The following ZMAT4 variants were observed in gnomAD, a reference collection of about 807,000 sequenced individuals.
The protein encoded by ZMAT4 is zinc finger matrin-type 4, also known as zinc finger matrin-type protein 4.
In ZMAT4, 17 loss-of-function variants were observed where a neutral mutation model predicts 28.7. That is an observed-to-expected ratio of 0.59 (90% CI 0.41 to 0.89). The LOEUF (loss-of-function observed/expected upper bound fraction) is 0.89, where lower values mean the gene tolerates loss of function less well. Among genes scored for constraint, ZMAT4 ranks in the 40% least tolerant of loss-of-function variants. The probability of loss-of-function intolerance (pLI) is 0.00; values close to 1 mark genes in which losing one functional copy is unlikely to be tolerated. For synonymous variants in ZMAT4, 117 were observed against 109.2 expected (o/e 1.07, Z -0.44); for missense variants, 240 against 283.8 (o/e 0.85, Z 1.11).
chr8:40,846,773 A>C (rs1371478683), intron 1 of ZMAT4, among the ~76,000 whole-genome samples: 2 of 152,154 alleles, frequency 1.3e-5, no homozygotes, highest in African/African-American at 4.8e-5. Context: ...TCTCAGAGAG[A>C]GCTGCTACCG....
rs150618203 is a variant in ZMAT4, at chr8:40,825,692, T to G, written c.-4-12A>C. On this transcript the variant is annotated splice_polypyrimidine_tract_variant and intron_variant, in intron 1 of 6. Transcript: ENST00000297737. ...AGGACTTCATCAGGCTACAAGAGAA[T>G]CAACAGAAAAGAAAAATGAGTCCAC... 1.4e-5 allele frequency: 22 copies of G among 1,547,842 alleles called. No individual in the cohort carries two copies. The highest frequency in any genetic ancestry group is 1.7e-4 in the Middle Eastern group (1 of 5,920).
At chr8:40,707,818 T>C (rs533727370) in intron 3 of ZMAT4, among the ~76,000 whole-genome samples, 28 of 152,316 alleles carry the variant, frequency 1.8e-4, no homozygotes, top group Non-Finnish European at 3.1e-4. Context: ...CTATTATATG[T>C]CTTGAGGGTA....
At chr8:40,774,387 G>C (rs924459063) in intron 2 of ZMAT4, among the ~76,000 whole-genome samples, 6 of 152,076 alleles carry the variant, frequency 3.9e-5, no homozygotes, top group African/African-American at 1.4e-4. Flanking sequence ...TGAAGATGCA[G>C]AAAAAGCTAG....
chr8:40,729,597 C>CTTTCT lies in ZMAT4; in HGVS notation c.193-32197_193-32196insAGAAA, dbSNP rs377329831. Among the ~76,000 whole-genome samples, 1,025 of 142,396 alleles carry CTTTCT rather than the reference C, an allele frequency of 7.2e-3. 8 individuals are homozygous for CTTTCT. The highest frequency in any genetic ancestry group is 0.022 in the South Asian group (99 of 4,598). The allele number at this position is 142,396 out of a possible 152,430, so 93.4% of individuals were successfully genotyped here. ...TCTTTGTATACTTCTTTCTTTCTTT[C>CTTTCT]TTTTTTTTTTTTTTTTGAGAAGGAG... On this transcript the variant is annotated intron_variant, in intron 3 of 6. Coordinates refer to ENST00000297737, the MANE Select transcript of ZMAT4 (RefSeq NM_024645.3).
chr8:40,888,670 T>A (rs1244828067), intron 1 of ZMAT4: 1 of 152,266 alleles, frequency 6.6e-6, no homozygotes, highest in African/African-American at 2.4e-5. Flanking sequence ...TGTCTCAGGC[T>A]GCCCAGAGTT....
intron 1 of ZMAT4, among the ~76,000 whole-genome samples, chr8:40,876,082 A>G (rs1233756371): frequency 6.6e-6 from 1 of 152,106 alleles, no homozygotes; most frequent in Non-Finnish European, 1.5e-5. Flanking sequence ...TGAATTGTGG[A>G]ACTCACTCCT....
chr8:40,844,477 G>T (rs1203082168), intron 1 of ZMAT4, among the ~76,000 whole-genome samples: 3 of 152,160 alleles, frequency 2.0e-5, no homozygotes, highest in Non-Finnish European at 4.4e-5. Context: ...CAGTCCTTCA[G>T]ATTCAAGCTG....
intron 3 of ZMAT4, among the ~76,000 whole-genome samples, chr8:40,751,377 T>G (rs1251705909): frequency 1.3e-5 from 2 of 151,448 alleles, no homozygotes; most frequent in African/African-American, 4.9e-5. Flanking sequence ...ATGGCAGGAG[T>G]GGGAGCAAGA....
chr8:40,799,139 A>ATGGCTGGC (rs527448026), intron 2 of ZMAT4, among the ~76,000 whole-genome samples: 45,813 of 133,748 alleles, frequency 0.34, 7,416 homozygotes, highest in Middle Eastern at 0.47. Flanking sequence ...AGAAGGATAG[A>ATGGCTGGC]TGGCTGGCTG....
chr8:40,777,676 T>C (rs1329209457), intron 2 of ZMAT4, among the ~76,000 whole-genome samples: 1 of 152,140 alleles, frequency 6.6e-6, no homozygotes, highest in Non-Finnish European at 1.5e-5. Flanking sequence ...CACATGTGAA[T>C]GGATAGCCAC....
intron 3 of ZMAT4, among the ~76,000 whole-genome samples, chr8:40,709,082 A>C (rs1211472431): frequency 5.3e-5 from 8 of 152,188 alleles, no homozygotes; most frequent in Non-Finnish European, 1.2e-4. Context: ...GCAAATGCTC[A>C]AGTCCTTGAA....
At chr8:40,797,344 C>G (rs2150583703) in intron 2 of ZMAT4, among the ~76,000 whole-genome samples, 1 of 152,304 alleles carries the variant, frequency 6.6e-6, no homozygotes, top group Admixed American at 6.5e-5. Flanking sequence ...CCTCAAGGAG[C>G]TCCATGCCAT....
At chr8:40,802,062 T>C (rs997335027) in intron 2 of ZMAT4, among the ~76,000 whole-genome samples, 12 of 152,316 alleles carry the variant, frequency 7.9e-5, no homozygotes, top group South Asian at 6.2e-4. Flanking sequence ...AAAATAGGAA[T>C]AGAGAAACAT....
intron 2 of ZMAT4, among the ~76,000 whole-genome samples, chr8:40,783,590 C>T (rs904941195): frequency 2.6e-5 from 4 of 152,010 alleles, no homozygotes; most frequent in African/African-American, 9.7e-5. Context: ...CAAAATAAAG[C>T]TGTTATTTAA....
chr8:40,729,641 C>G (rs1177857824), intron 3 of ZMAT4, among the ~76,000 whole-genome samples: 1 of 150,222 alleles, frequency 6.7e-6, no homozygotes, highest in East Asian at 2.0e-4. Flanking sequence ...TGTCACCAGG[C>G]TGGAGTGCAG....
At chr8:40,755,634 G>C (rs1204111409) in intron 3 of ZMAT4, among the ~76,000 whole-genome samples, 1 of 151,952 alleles carries the variant, frequency 6.6e-6, no homozygotes, top group East Asian at 1.9e-4. Flanking sequence ...TGTATTTTTT[G>C]TAGAGACAGG....
rs1806880246 is a variant in ZMAT4 at position 40,638,499 on chromosome 8, A to G, written c.577+36205T>C. The stretch of plus-strand genomic sequence containing the variant: ...AGAGGAAATCCACTGAGTCTCTTCT[A>G]CAATAAAGCACCCATTTATCAGACT... On this transcript the variant is annotated intron_variant, in intron 5 of 6. Transcript: ENST00000297737. Among the ~76,000 whole-genome samples the G allele has an allele frequency of 2.6e-5, 4 of 152,230 alleles. No homozygotes were observed. The South Asian group carries it at 8.3e-4, about 32-fold the overall frequency.
At chr8:40,718,866 C>T (rs938352277) in intron 3 of ZMAT4, among the ~76,000 whole-genome samples, 1 of 152,186 alleles carries the variant, frequency 6.6e-6, no homozygotes, top group Non-Finnish European at 1.5e-5. Flanking sequence ...CTTGTGGATT[C>T]AAGTTCCAAT....
chr8:40,876,736 C>G (rs1466196837), intron 1 of ZMAT4, among the ~76,000 whole-genome samples: 1 of 152,192 alleles, frequency 6.6e-6, no homozygotes, highest in African/African-American at 2.4e-5. Flanking sequence ...ATTGGTAAGG[C>G]TTCTGATCAG....
Sources: allele counts gnomAD v4.1 joint callset (sites outside exome capture counted in the v4.1 genomes callset), GRCh38; gene constraint gnomAD v4.1.1; transcripts MANE v1.5; gene names NCBI Gene and HGNC (gene_info 2026-07-23, HGNC 2026-07-21).